PLD1: variants seen among roughly 807,000 people sequenced by gnomAD.
The protein encoded by PLD1 is phospholipase D1.
A neutral mutation model predicts 137.1 loss-of-function variants in PLD1; 112 were observed. The ratio of observed to expected loss-of-function variants is 0.82; its 90% CI spans 0.70 to 0.96. The LOEUF (loss-of-function observed/expected upper bound fraction) is 0.96, where lower values mean the gene tolerates loss of function less well. Ranked by LOEUF, PLD1 falls within the 40% of genes least tolerant of loss-of-function variation. PLD1 has a pLI of 0.00. For synonymous variants in PLD1, 431 were observed against 454.7 expected, an observed-to-expected ratio of 0.95 and a Z score of 0.66; for missense variants, 1,321 against 1,342.0, an observed-to-expected ratio of 0.98 and a Z score of 0.24.
chr3:171,765,095 T>C (rs1721889160), intron 1 of PLD1: 1 of 152,138 alleles, frequency 6.6e-6, no homozygotes, highest in African/African-American at 2.4e-5. Flanking sequence ...AGTCTCCTTT[T>C]GGAGTGATGA....
chr3:171,635,965 CT>C (rs71178231), intron 23 of PLD1, among the ~76,000 whole-genome samples: 32 of 49,280 alleles, frequency 6.5e-4, no homozygotes, highest in East Asian at 3.4e-3. Flanking sequence ...GGTTCAACTT[CT>C]TTTTTTTTTT....
At chr3:171,723,563 C>T (rs1208432641) in intron 8 of PLD1, among the ~76,000 whole-genome samples, 2 of 151,918 alleles carry the variant, frequency 1.3e-5, no homozygotes, top group Non-Finnish European at 2.9e-5. Context: ...TCTCCGTAGT[C>T]GTCGTACTAA....
chr3:171,643,142 G>T lies in PLD1; in HGVS notation c.2544-253C>A, dbSNP rs9290422. On this transcript the variant is annotated intron_variant, in intron 22 of 26. Transcript: ENST00000351298. The stretch of plus-strand genomic sequence containing the variant: ...AAATTCGTGTTAGATTTCAGAAAGA[G>T]AGGCTATTAAAAAAAGAAGGGTCAT... 15,863 of 356,308 alleles carry T rather than the reference G, an allele frequency of 0.045. 1,576 individuals carry two copies. Among genetic ancestry groups the T allele is most frequent in the African/African-American group, 0.25 (11,769 of 46,510 alleles). 22.1% of individuals were successfully genotyped at this position (356,308 alleles called of 1,614,324 possible).
At chr3:171,797,852 T>C (rs889350046) in intron 1 of PLD1, among the ~76,000 whole-genome samples, 18 of 152,202 alleles carry the variant, frequency 1.2e-4, no homozygotes, top group African/African-American at 4.3e-4. Flanking sequence ...AATTTTTTTT[T>C]CCCTCAATCT....
chr3:171,712,218 GC>G (rs1178101225), intron 9 of PLD1, among the ~76,000 whole-genome samples: 2 of 152,236 alleles, frequency 1.3e-5, no homozygotes, highest in Non-Finnish European at 2.9e-5. Flanking sequence ...CTGCTGCTGG[GC>G]TGTGGAGACA....
At chr3:171,662,016 A>G in intron 20 of PLD1, 44 bp downstream of exon 20, 1 of 1,067,776 alleles carries the variant, frequency 9.4e-7, no homozygotes, top group South Asian at 1.3e-5. Flanking sequence ...ATGATATTTA[A>G]GGGAAGGCAG....
intron 17 of PLD1, 73 bp downstream of exon 17, chr3:171,677,493 A>G: frequency 7.1e-7 from 1 of 1,411,474 alleles, no homozygotes; most frequent in Non-Finnish European, 9.7e-7. Flanking sequence ...TAGATCATGC[A>G]CATGTATACT....
chr3:171,620,538 AATT>A lies in PLD1; in HGVS notation c.2594-21_2594-19del. 1 of 1,445,820 alleles carries A rather than the reference AATT, an allele frequency of 6.9e-7. No individual in the cohort carries two copies. The allele number at this position is 1,445,820 out of a possible 1,614,324, so 89.6% of individuals were successfully genotyped here. ...ATTACCAACTGCAAATTTAAAAAGA[AATT>A]ATTAAAATTAATATGACCAAGCTCA... On this transcript the variant is annotated intron_variant, in intron 23 of 26. Transcript: ENST00000351298.
chr3:171,627,959 G>C (rs1253822899), intron 23 of PLD1, among the ~76,000 whole-genome samples: 5 of 151,592 alleles, frequency 3.3e-5, no homozygotes, highest in African/African-American at 9.7e-5. Context: ...AACTAGAAAA[G>C]CAAGAGCAAA....
chr3:171,759,240 G>A (rs770701989), intron 1 of PLD1, among the ~76,000 whole-genome samples: 2 of 152,130 alleles, frequency 1.3e-5, no homozygotes, highest in Non-Finnish European at 2.9e-5. Flanking sequence ...ATTTTTGGCT[G>A]AGAGGTGCAG....
chr3:171,716,978 C>T (rs1463175003), intron 8 of PLD1, among the ~76,000 whole-genome samples: 1 of 152,142 alleles, frequency 6.6e-6, no homozygotes, highest in Non-Finnish European at 1.5e-5. Context: ...TTTCCCATTG[C>T]TTGTTTTTGT....
intron 1 of PLD1, among the ~76,000 whole-genome samples, chr3:171,801,904 C>T (rs1723663677): frequency 1.3e-5 from 2 of 152,192 alleles, no homozygotes; most frequent in Non-Finnish European, 2.9e-5. Flanking sequence ...ATTATACACC[C>T]ACATGACAGA....
Position 171,673,531 on chromosome 3 carries a change from A to G in PLD1, c.2229+969T>C, listed in dbSNP as rs558024652. The stretch of plus-strand genomic sequence containing the variant: ...GGTGATCCACCCGCCTCGGCCTCCC[A>G]AAGTGCTAGGACTACAGGTGGGAGC... On this transcript the variant is annotated intron_variant, in intron 19 of 26. Coordinates refer to ENST00000351298, the MANE Select transcript of PLD1 (RefSeq NM_002662.5). Among the ~76,000 whole-genome samples, 20 of 152,302 alleles carry G rather than the reference A, an allele frequency of 1.3e-4. No individual in the cohort carries two copies. The East Asian group carries it at 3.1e-3, about 24-fold the overall frequency.
intron 23 of PLD1, among the ~76,000 whole-genome samples, chr3:171,622,274 T>C (rs1194479268): frequency 6.6e-6 from 1 of 152,184 alleles, no homozygotes; most frequent in Admixed American, 6.5e-5. Context: ...TCTATGGAAT[T>C]TGTTAAAAGC....
At chr3:171,678,342 C>T (rs1025098062) in intron 16 of PLD1, among the ~76,000 whole-genome samples, 1 of 152,110 alleles carries the variant, frequency 6.6e-6, no homozygotes, top group African/African-American at 2.4e-5. Context: ...ATCTGTTGCG[C>T]TTTAACATTT....
intron 1 of PLD1, among the ~76,000 whole-genome samples, chr3:171,769,049 G>A (rs1722170087): frequency 6.6e-6 from 1 of 152,140 alleles, no homozygotes; most frequent in South Asian, 2.1e-4. Context: ...CAAATTTACA[G>A]ATTTTGAACT....
At chr3:171,692,534 T>C in intron 12 of PLD1, 92 bp from the exon 13 acceptor site, 1 of 696,584 alleles carries the variant, frequency 1.4e-6, no homozygotes. Flanking sequence ...CTTTCTTTCT[T>C]TTTTTTTTCA....
intron 6 of PLD1, among the ~76,000 whole-genome samples, chr3:171,732,603 T>A (rs1719029438): frequency 1.3e-5 from 2 of 152,246 alleles, no homozygotes; most frequent in African/African-American, 2.4e-5. Flanking sequence ...TGTGTTTATG[T>A]GATGCCATTC....
chr3:171,619,896 C>A (rs971050050), intron 24 of PLD1, among the ~76,000 whole-genome samples: 1 of 151,558 alleles, frequency 6.6e-6, no homozygotes, highest in Non-Finnish European at 1.5e-5. Flanking sequence ...ACAGCGAGAC[C>A]CCCATCTCAA....
Sources: gnomAD v4.1 joint callset for allele counts (sites outside exome capture counted in the v4.1 genomes callset) on GRCh38, gnomAD v4.1.1 for gene constraint, MANE v1.5 for transcripts, NCBI Gene and HGNC (gene_info 2026-07-23, HGNC 2026-07-21) for gene names.